The following TMTC3 variants were observed in gnomAD, a reference collection of about 807,000 sequenced individuals.
TMTC3 encodes the protein protein O-mannosyl-transferase TMTC3.
Under a neutral mutation model 92.2 loss-of-function variants are expected in TMTC3, and 52 were observed. That is an observed-to-expected ratio of 0.56 (90% CI 0.45 to 0.71). TMTC3 has a LOEUF of 0.71. Ranked by LOEUF, TMTC3 falls within the 30% of genes least tolerant of loss-of-function variation. The probability of loss-of-function intolerance (pLI) is 0.00; values close to 1 mark genes in which losing one functional copy is unlikely to be tolerated. For missense variants in TMTC3, 896 were observed against 1,057.1 expected, an observed-to-expected ratio of 0.85 and a Z score of 2.11; for synonymous variants, 339 against 363.3, an observed-to-expected ratio of 0.93 and a Z score of 0.76.
At chr12:88,153,015 A>G (rs2040961162) in intron 2 of TMTC3, among the ~76,000 whole-genome samples, 1 of 152,190 alleles carries the variant, frequency 6.6e-6, no homozygotes, top group Non-Finnish European at 1.5e-5. Context: ...GTTATATTGA[A>G]GAGGAATTAA....
chr12:88,158,238 C>T (rs2041033128), intron 4 of TMTC3, among the ~76,000 whole-genome samples: 1 of 152,150 alleles, frequency 6.6e-6, no homozygotes, highest in Admixed American at 6.5e-5. Context: ...TGTAGACATA[C>T]ACATCCATTC....
At chr12:88,162,324 T>G (rs2041089875) in intron 6 of TMTC3, among the ~76,000 whole-genome samples, 1 of 152,190 alleles carries the variant, frequency 6.6e-6, no homozygotes, top group Non-Finnish European at 1.5e-5. Context: ...TAAACTGAGC[T>G]TCTTGAAATC....
chr12:88,179,845 T>A (rs954141819), intron 10 of TMTC3, among the ~76,000 whole-genome samples: 2 of 152,180 alleles, frequency 1.3e-5, no homozygotes, highest in Non-Finnish European at 2.9e-5. Context: ...GCGCAAATGA[T>A]CAAAGATTGG....
intron 8 of TMTC3, chr12:88,173,039 C>T (rs1040595121): frequency 2.3e-6 from 3 of 1,331,324 alleles, no homozygotes; most frequent in Middle Eastern, 2.1e-4. Context: ...TCTCAAATGA[C>T]CATTGCCACT....
At chr12:88,177,462 G>A (rs1012044896) in intron 10 of TMTC3, among the ~76,000 whole-genome samples, 2 of 152,142 alleles carry the variant, frequency 1.3e-5, no homozygotes, top group African/African-American at 4.8e-5. Flanking sequence ...AAGGGTTTAA[G>A]GAGTGAATAA....
Position 88,195,674 on chromosome 12 carries a change from T to C in TMTC3, c.*25T>C. ...ACATTAATATTTATCGTGACAATGG[T>C]ATCAAAGAACATCAATCCGTATCAT... On this transcript the variant is annotated 3_prime_UTR_variant, in exon 14 of 14. Coordinates refer to ENST00000266712, the MANE Select transcript of TMTC3 (RefSeq NM_181783.4). The C allele has an allele frequency of 1.3e-6, 2 of 1,546,306 alleles. No homozygotes were observed. The highest frequency in any genetic ancestry group is 2.5e-5 in the South Asian group (2 of 79,266).
At chr12:88,168,525 G>T (rs2041171344) in intron 7 of TMTC3, among the ~76,000 whole-genome samples, 1 of 152,198 alleles carries the variant, frequency 6.6e-6, no homozygotes, top group Non-Finnish European at 1.5e-5. Flanking sequence ...GTCAGGGAGA[G>T]ACTGTTGATT....
At chr12:88,187,709 C>T (rs1396787484) in intron 10 of TMTC3, among the ~76,000 whole-genome samples, 1 of 152,174 alleles carries the variant, frequency 6.6e-6, no homozygotes, top group African/African-American at 2.4e-5. Flanking sequence ...TCAGGGAATG[C>T]CCAAGATATA....
intron 10 of TMTC3, among the ~76,000 whole-genome samples, chr12:88,183,881 C>CA (rs1419264921): frequency 3.3e-5 from 5 of 152,126 alleles, no homozygotes; most frequent in African/African-American, 1.2e-4. Flanking sequence ...GTTGAGCTGA[C>CA]AACCACTGTC....
At position 88,154,402 on chromosome 12, in the gene TMTC3, T is replaced by G; in HGVS notation, c.508+15T>G. The G allele has an allele frequency of 6.4e-7, 1 of 1,552,004 alleles. No individual in the cohort carries two copies. Among genetic ancestry groups the G allele is most frequent in the Non-Finnish European group, 8.7e-7 (1 of 1,152,664 alleles). On this transcript the variant is annotated intron_variant, in intron 4 of 13. Transcript: ENST00000266712. ...CAATTCCATAAGTACATGTCTCACA[T>G]TTGATTTTTTTTTAATAGTGCTAAA...
At chr12:88,192,028 C>CTTTCTTT (rs1555234667) in intron 12 of TMTC3, among the ~76,000 whole-genome samples, 1,242 of 123,024 alleles carry the variant, frequency 0.01, 19 homozygotes, top group African/African-American at 0.032. Context: ...TTTTTTTTTT[C>CTTTCTTT]TTTTTTTTTT....
rs772209745 is a variant in TMTC3 at position 88,190,615 on chromosome 12, A to G, written c.1699A>G (p.Ile567Val). The stretch of plus-strand genomic sequence containing the variant: ...GAGGCCCGACTTCAAGCAGGCTTAC[A>G]TTAGCAGGTATCCCAGTTCAACTTT... ...SMRPDFKQAY[I>V]SRGELLLKMN... The change falls in exon 12 of 14, where the codon ATT (isoleucine) becomes GTT (valine). Residue 567 changes from isoleucine (I) to valine (V), a missense_variant. Ile to Val is a conservative substitution (Grantham distance 29). Transcript: ENST00000266712. 4.3e-6 allele frequency: 7 copies of G among 1,613,546 alleles called. No individual in the cohort carries two copies. The highest frequency in any genetic ancestry group is 5.1e-6 in the Non-Finnish European group (6 of 1,179,760).
chr12:88,160,550 T>C (rs2041064076), intron 5 of TMTC3, 129 bp from the exon 6 acceptor site: 2 of 842,098 alleles, frequency 2.4e-6, no homozygotes, highest in Admixed American at 5.6e-5. Context: ...ATTATTAGCT[T>C]CACACATTCT....
intron 1 of TMTC3, among the ~76,000 whole-genome samples, chr12:88,148,071 G>A (rs962710484): frequency 6.6e-6 from 1 of 152,092 alleles, no homozygotes; most frequent in African/African-American, 2.4e-5. Context: ...CGTAAGAGAG[G>A]GGGCTGACAT....
intron 8 of TMTC3, among the ~76,000 whole-genome samples, chr12:88,173,409 C>T (rs910965510): frequency 2.0e-5 from 3 of 151,894 alleles, no homozygotes; most frequent in Non-Finnish European, 4.4e-5. Context: ...TTCCAGTCAT[C>T]CCTCACCCCA....
intron 2 of TMTC3, among the ~76,000 whole-genome samples, chr12:88,152,714 T>C (rs1193750354): frequency 3.9e-5 from 6 of 152,202 alleles, no homozygotes; most frequent in Admixed American, 3.9e-4. Context: ...TATTTGCATA[T>C]TCTAAGAAAG....
At chr12:88,178,687 ATTACT>A (rs2041285314) in intron 10 of TMTC3, among the ~76,000 whole-genome samples, 1 of 152,172 alleles carries the variant, frequency 6.6e-6, no homozygotes, top group African/African-American at 2.4e-5. Flanking sequence ...ATTTTAATTA[ATTACT>A]TTCTTAAGTC....
chr12:88,169,793 G>A (rs2041184757), intron 7 of TMTC3, among the ~76,000 whole-genome samples: 1 of 151,998 alleles, frequency 6.6e-6, no homozygotes, highest in Non-Finnish European at 1.5e-5. Flanking sequence ...TTTTAAATTA[G>A]CCAGGCATGG....
At chr12:88,183,567 A>C (rs1431118816) in intron 10 of TMTC3, among the ~76,000 whole-genome samples, 1 of 151,978 alleles carries the variant, frequency 6.6e-6, no homozygotes, top group African/African-American at 2.4e-5. Flanking sequence ...GAGAAGGAGG[A>C]GGCGGTAAGG....
Sources: allele counts gnomAD v4.1 joint callset (sites outside exome capture counted in the v4.1 genomes callset), GRCh38; gene constraint gnomAD v4.1.1; transcripts MANE v1.5; gene names NCBI Gene and HGNC (gene_info 2026-07-23, HGNC 2026-07-21).